PIK3C2G: variants seen among roughly 807,000 people sequenced by gnomAD.
The protein encoded by PIK3C2G is phosphatidylinositol-4-phosphate 3-kinase catalytic subunit type 2 gamma, also known as phosphatidylinositol 3-kinase C2 domain-containing subunit gamma.
In PIK3C2G, 168 loss-of-function variants were observed where a neutral mutation model predicts 181.1. The ratio of observed to expected loss-of-function variants is 0.93; its 90% CI spans 0.82 to 1.05. The LOEUF (loss-of-function observed/expected upper bound fraction) is 1.05, where lower values mean the gene tolerates loss of function less well. Ranked by LOEUF, PIK3C2G falls within the 50% of genes least tolerant of loss-of-function variation. The pLI is 0.00. For synonymous variants in PIK3C2G, 573 were observed against 592.2 expected, an observed-to-expected ratio of 0.97 and a Z score of 0.47; for missense variants, 1,869 against 1,732.8, an observed-to-expected ratio of 1.08 and a Z score of -1.40.
Position 18,563,452 on chromosome 12 carries a change from C to A in PIK3C2G, c.3856C>A (p.Leu1286Ile). ...AAAATCATTTGAGCAGTTTTCAAAA[C>A]TTCACAGCCAACTTCAGAAGCAGTT... ...TEKSFEQFSKLHSQLQKQFAS... is the reference protein window; with the variant it reads ...TEKSFEQFSKIHSQLQKQFAS... Residue 1286 changes from leucine (L) to isoleucine (I), a missense_variant, in exon 28 of 33, where the codon CTT becomes ATT. Leu to Ile is a conservative substitution (Grantham distance 5). Transcript: ENST00000538779. 6.2e-7 allele frequency: 1 copy of A among 1,613,790 alleles called. No individual in the cohort carries two copies. Among genetic ancestry groups the A allele is most frequent in the Non-Finnish European group, 8.5e-7 (1 of 1,179,738 alleles).
chr12:18,693,631 T>C, the PIK3C2G span: 2 of 1,567,020 alleles, frequency 1.3e-6, no homozygotes, highest in Non-Finnish European at 1.8e-6. Flanking sequence ...TGTTTATTGA[T>C]GAAATTGACG....
intron 18 of PIK3C2G, among the ~76,000 whole-genome samples, chr12:18,465,490 G>A (rs1443467837): frequency 6.6e-6 from 1 of 151,778 alleles, no homozygotes; most frequent in Non-Finnish European, 1.5e-5. Context: ...GTGGAAGGGT[G>A]TTGTTGCAAA....
At chr12:18,598,395 G>A (rs1345379786) in intron 30 of PIK3C2G, among the ~76,000 whole-genome samples, 1 of 151,570 alleles carries the variant, frequency 6.6e-6, no homozygotes, top group Non-Finnish European at 1.5e-5. Flanking sequence ...ACAAGCAATG[G>A]GGAAAGGATT....
At chr12:18,544,040 T>C (rs1361989334) in intron 25 of PIK3C2G, among the ~76,000 whole-genome samples, 3 of 151,792 alleles carry the variant, frequency 2.0e-5, no homozygotes, top group Non-Finnish European at 4.4e-5. Context: ...AAGAAAGCAG[T>C]CATTAAATCT....
intron 1 of PIK3C2G, among the ~76,000 whole-genome samples, chr12:18,269,779 T>A (rs1030914914): frequency 4.6e-5 from 7 of 152,118 alleles, no homozygotes; most frequent in African/African-American, 1.7e-4. Context: ...TCAGTTAAAA[T>A]ACATAGAATC....
intron 12 of PIK3C2G, among the ~76,000 whole-genome samples, chr12:18,367,376 G>A (rs1313101544): frequency 2.0e-5 from 3 of 152,026 alleles, no homozygotes; most frequent in Non-Finnish European, 4.4e-5. Context: ...GAAATATCTA[G>A]GTATCCAATT....
intron 1 of PIK3C2G, among the ~76,000 whole-genome samples, chr12:18,250,263 C>A (rs1352439448): frequency 6.6e-6 from 1 of 151,564 alleles, no homozygotes; most frequent in Non-Finnish European, 1.5e-5. Context: ...TTTAATTGTA[C>A]CAACAGAAAA....
the PIK3C2G span, among the ~76,000 whole-genome samples, chr12:18,667,284 T>C: frequency 2.0e-5 from 3 of 152,264 alleles, no homozygotes; most frequent in East Asian, 5.8e-4. Context: ...TAGAGATATG[T>C]GTAATATCTT....
intron 18 of PIK3C2G, among the ~76,000 whole-genome samples, chr12:18,437,184 G>T (rs1345922448): frequency 1.3e-5 from 2 of 151,708 alleles, no homozygotes; most frequent in Non-Finnish European, 3.0e-5. Context: ...TTGTATCTTT[G>T]TTCATGAAAA....
chr12:18,313,756 C>T (rs1209216993), intron 5 of PIK3C2G, among the ~76,000 whole-genome samples: 1 of 151,672 alleles, frequency 6.6e-6, no homozygotes, highest in Non-Finnish European at 1.5e-5. Flanking sequence ...ATCTATATTT[C>T]CTGTCATATT....
At chr12:18,330,233 A>T (rs566174471) in intron 8 of PIK3C2G, among the ~76,000 whole-genome samples, 5 of 152,266 alleles carry the variant, frequency 3.3e-5, no homozygotes, top group African/African-American at 1.2e-4. Flanking sequence ...TTCAAAATGT[A>T]TATAATTAGG....
intron 18 of PIK3C2G, among the ~76,000 whole-genome samples, chr12:18,460,612 G>T (rs1314801407): frequency 7.8e-6 from 1 of 128,338 alleles, no homozygotes; most frequent in Non-Finnish European, 1.6e-5. Flanking sequence ...TAAAAAGATT[G>T]ACATCATATT....
At chr12:18,616,325 A>G (rs913214879) in intron 31 of PIK3C2G, among the ~76,000 whole-genome samples, 2 of 152,134 alleles carry the variant, frequency 1.3e-5, no homozygotes, top group Admixed American at 6.6e-5. Context: ...TGCCCTTAAC[A>G]CACAGTTATT....
the PIK3C2G span, among the ~76,000 whole-genome samples, chr12:18,722,105 C>T: frequency 1.3e-5 from 2 of 152,096 alleles, no homozygotes; most frequent in Middle Eastern, 3.4e-3. Flanking sequence ...TGTCATATAA[C>T]TTGTCCCTTC....
intron 16 of PIK3C2G, among the ~76,000 whole-genome samples, chr12:18,414,453 A>G (rs1479993030): frequency 6.6e-6 from 1 of 152,166 alleles, no homozygotes; most frequent in African/African-American, 2.4e-5. Context: ...AGACATATAC[A>G]TATTTTAAAA....
intron 8 of PIK3C2G, among the ~76,000 whole-genome samples, chr12:18,333,461 G>C (rs776958179): frequency 1.3e-5 from 2 of 151,800 alleles, no homozygotes; most frequent in East Asian, 1.9e-4. Flanking sequence ...CGACAGGCCC[G>C]GTGTGTGATG....
At chr12:18,244,176 G>A (rs1948015485), upstream of PIK3C2G, among the ~76,000 whole-genome samples, 1 of 151,856 alleles carries the variant, frequency 6.6e-6, no homozygotes, top group Admixed American at 6.6e-5. Context: ...AAAATGTCTA[G>A]AAGAAAAATA....
intron 14 of PIK3C2G, among the ~76,000 whole-genome samples, chr12:18,382,563 G>A (rs1431767527): frequency 6.6e-6 from 1 of 152,076 alleles, no homozygotes; most frequent in Non-Finnish European, 1.5e-5. Context: ...TGCTCTCTGG[G>A]CAGCACCCTC....
intron 1 of PIK3C2G, among the ~76,000 whole-genome samples, chr12:18,255,883 C>T (rs1948141541): frequency 6.6e-6 from 1 of 152,180 alleles, no homozygotes; most frequent in African/African-American, 2.4e-5. Context: ...TTGACCTCTT[C>T]TGCTATGGCA....
Sources: gnomAD v4.1 joint callset for allele counts (sites outside exome capture counted in the v4.1 genomes callset) on GRCh38, gnomAD v4.1.1 for gene constraint, MANE v1.5 for transcripts, NCBI Gene and HGNC (gene_info 2026-07-23, HGNC 2026-07-21) for gene names.